The following ERC2 variants were observed in gnomAD, a reference collection of about 807,000 sequenced individuals.
The protein encoded by ERC2 is ERC protein 2.
ERC2 carries 42 observed loss-of-function variants against 114.8 expected under a neutral mutation model. The ratio of observed to expected loss-of-function variants is 0.37; its 90% CI spans 0.29 to 0.47. The LOEUF (loss-of-function observed/expected upper bound fraction) is 0.47. Ranked by LOEUF, ERC2 falls within the 20% of genes least tolerant of loss-of-function variation. The pLI is 0.99. For missense variants in ERC2, 939 were observed against 1,150.7 expected, an observed-to-expected ratio of 0.82 and a Z score of 2.66; for synonymous variants, 454 against 425.5, an observed-to-expected ratio of 1.07 and a Z score of -0.82.
intron 14 of ERC2, among the ~76,000 whole-genome samples, chr3:55,775,581 T>TAAAA (rs1279947639): frequency 0.016 from 2,206 of 141,780 alleles, 36 homozygotes; most frequent in Middle Eastern, 0.04. Context: ...AATAAATAAA[T>TAAAA]AAAAAAGGAA....
intron 2 of ERC2, among the ~76,000 whole-genome samples, chr3:56,320,600 G>A (rs1187977250): frequency 1.3e-5 from 2 of 152,120 alleles, no homozygotes; most frequent in South Asian, 2.1e-4. Flanking sequence ...TGCCCCTGGG[G>A]GACCAGTTCC....
At chr3:55,810,775 T>C (rs543102453) in intron 14 of ERC2, among the ~76,000 whole-genome samples, 1 of 152,320 alleles carries the variant, frequency 6.6e-6, no homozygotes, top group Admixed American at 6.5e-5. Context: ...TATCTCTTAA[T>C]GAAAATAAAT....
At chr3:56,220,142 T>C (rs1444093578) in intron 3 of ERC2, among the ~76,000 whole-genome samples, 1 of 152,098 alleles carries the variant, frequency 6.6e-6, no homozygotes, top group African/African-American at 2.4e-5. Context: ...CCCTACAATA[T>C]CTTACACTGT....
intron 2 of ERC2, among the ~76,000 whole-genome samples, chr3:56,340,261 G>A (rs909259875): frequency 2.0e-5 from 3 of 152,020 alleles, no homozygotes; most frequent in African/African-American, 7.3e-5. Context: ...GATATATCCT[G>A]ATAGATACCT....
intron 17 of ERC2, among the ~76,000 whole-genome samples, chr3:55,544,271 T>C (rs977625914): frequency 2.0e-5 from 3 of 152,168 alleles, no homozygotes; most frequent in African/African-American, 7.2e-5. Flanking sequence ...GTTGGGCAAG[T>C]GTTCGACAGA....
intron 13 of ERC2, among the ~76,000 whole-genome samples, chr3:55,895,204 G>A (rs1187358528): frequency 6.6e-6 from 1 of 152,184 alleles, no homozygotes. Context: ...TTAGGTTACT[G>A]CATGTTAGAA....
intron 17 of ERC2, among the ~76,000 whole-genome samples, chr3:55,652,883 AC>A (rs1208847796): frequency 2.0e-4 from 25 of 127,792 alleles, no homozygotes; most frequent in Admixed American, 7.4e-4. Flanking sequence ...AAAAAAAAAA[AC>A]CAATACATGT....
At chr3:56,361,206 C>A (rs1046425871) in intron 2 of ERC2, among the ~76,000 whole-genome samples, 1 of 152,022 alleles carries the variant, frequency 6.6e-6, no homozygotes, top group African/African-American at 2.4e-5. Flanking sequence ...GCTGCTGCAC[C>A]AGGACGGATT....
intron 17 of ERC2, among the ~76,000 whole-genome samples, chr3:55,545,130 GC>G (rs2054654724): frequency 6.6e-6 from 1 of 152,104 alleles, no homozygotes; most frequent in Non-Finnish European, 1.5e-5. Flanking sequence ...AAACCCTGAT[GC>G]TTTTATTCTT....
chr3:56,359,760 G>A (rs1290314239), intron 2 of ERC2, among the ~76,000 whole-genome samples: 7 of 152,322 alleles, frequency 4.6e-5, no homozygotes, highest in South Asian at 4.1e-4. Flanking sequence ...GGAAGGCAAC[G>A]GGGAGCTGCA....
At chr3:55,990,586 G>A (rs956138309) in intron 11 of ERC2, among the ~76,000 whole-genome samples, 8 of 151,898 alleles carry the variant, frequency 5.3e-5, no homozygotes, top group Non-Finnish European at 7.4e-5. Flanking sequence ...TACCATACCC[G>A]GCTAATTATT....
At chr3:55,918,379 C>T (rs906297122) in intron 13 of ERC2, among the ~76,000 whole-genome samples, 3 of 152,040 alleles carry the variant, frequency 2.0e-5, no homozygotes, top group Non-Finnish European at 4.4e-5. Flanking sequence ...TATCTTCCTT[C>T]TTAACAATAA....
chr3:55,733,509 CA>C (rs2065407385), intron 15 of ERC2, among the ~76,000 whole-genome samples: 1 of 133,704 alleles, frequency 7.5e-6, no homozygotes, highest in Non-Finnish European at 1.6e-5. Context: ...CTCTCTCTCT[CA>C]TTCTCTCTGT....
chr3:55,854,568 C>G (rs1327344895), intron 14 of ERC2, among the ~76,000 whole-genome samples: 4 of 152,132 alleles, frequency 2.6e-5, no homozygotes, highest in Admixed American at 6.5e-5. Context: ...CTCAGGGAGG[C>G]CCCCTGATTT....
chr3:55,519,241 C>T (rs1306823346), intron 17 of ERC2, among the ~76,000 whole-genome samples: 4 of 152,190 alleles, frequency 2.6e-5, no homozygotes, highest in African/African-American at 9.7e-5. Context: ...CCCTGTCCTG[C>T]CCTAAACTGT....
intron 17 of ERC2, among the ~76,000 whole-genome samples, chr3:55,682,457 C>A (rs2062103489): frequency 1.3e-5 from 2 of 152,176 alleles, no homozygotes; most frequent in South Asian, 2.1e-4. Flanking sequence ...CTGAAAACCA[C>A]CATCCTGTGA....
chr3:56,437,799 A>G (rs2062092920), intron 1 of ERC2, among the ~76,000 whole-genome samples: 1 of 152,248 alleles, frequency 6.6e-6, no homozygotes, highest in Admixed American at 6.5e-5. Context: ...AGATAATGGA[A>G]TAGTGGAACA....
At chr3:55,557,289 A>T (rs1419250344) in intron 17 of ERC2, among the ~76,000 whole-genome samples, 1 of 152,218 alleles carries the variant, frequency 6.6e-6, no homozygotes, top group Non-Finnish European at 1.5e-5. Flanking sequence ...GACATGTTCT[A>T]GAATGGCAGA....
chr3:55,726,175 G>C (rs1307644595), intron 15 of ERC2, among the ~76,000 whole-genome samples: 1 of 152,208 alleles, frequency 6.6e-6, no homozygotes, highest in African/African-American at 2.4e-5. Context: ...TGGGTCTGCT[G>C]TAAAAACCAA....
Sources: allele counts gnomAD v4.1 joint callset (sites outside exome capture counted in the v4.1 genomes callset), GRCh38; gene constraint gnomAD v4.1.1; transcripts MANE v1.5; gene names NCBI Gene and HGNC (gene_info 2026-07-23, HGNC 2026-07-21).